TMEM132C: variants seen among roughly 807,000 people sequenced by gnomAD.
TMEM132C encodes transmembrane protein 132C.
In TMEM132C, 29 loss-of-function variants were observed where a neutral mutation model predicts 61.4. That is an observed-to-expected ratio of 0.47 (90% CI 0.35 to 0.64). The LOEUF is 0.64. TMEM132C is among the 30% of genes least tolerant of loss of function. TMEM132C has a pLI of 0.00. For missense variants in TMEM132C, 1,408 were observed against 1,476.9 expected, an observed-to-expected ratio of 0.95 and a Z score of 0.76; for synonymous variants, 656 against 633.1, an observed-to-expected ratio of 1.04 and a Z score of -0.54.
chr12:128,306,259 C>T (rs1871776499), intron 1 of TMEM132C, among the ~76,000 whole-genome samples: 1 of 142,336 alleles, frequency 7.0e-6, no homozygotes, highest in African/African-American at 2.6e-5. Flanking sequence ...GGCTTGAGTA[C>T]AGTGGCGATC....
intron 1 of TMEM132C, among the ~76,000 whole-genome samples, chr12:128,410,801 C>G (rs1321397468): frequency 6.6e-6 from 1 of 152,166 alleles, no homozygotes; most frequent in Non-Finnish European, 1.5e-5. Context: ...TTATTAGCTA[C>G]TTTAGAGGCT....
chr12:128,472,195 G>T (rs1035794905), intron 2 of TMEM132C, among the ~76,000 whole-genome samples: 3 of 152,028 alleles, frequency 2.0e-5, no homozygotes, highest in African/African-American at 7.2e-5. Context: ...ATAATAACTC[G>T]GGTTTCTATA....
In TMEM132C at chr12:128,456,366, C is replaced by CTTTTTTTTTTTTTTTTTTTTTTTTTT. The variant is rs554652054; in HGVS notation, c.974+40780_974+40805dup. ...ACCTTAATTCTATGGTCTGATTAGC[C>CTTTTTTTTTTTTTTTTTTTTTTTTTT]TTTTTTTTTTTTTTTTTTTTTTTTT... On this transcript the variant is annotated intron_variant, in intron 2 of 8. Coordinates refer to ENST00000435159, the MANE Select transcript of TMEM132C (RefSeq NM_001136103.3). Among the ~76,000 whole-genome samples, 2 of 52,448 alleles carry CTTTTTTTTTTTTTTTTTTTTTTTTTT rather than the reference C, an allele frequency of 3.8e-5. 1 individual carries two copies. The highest frequency in any genetic ancestry group is 8.0e-5 in the Non-Finnish European group (2 of 25,138). The allele number at this position is 52,448 out of a possible 152,430, so 34.4% of individuals were successfully genotyped here. A position where few individuals can be genotyped will look rare whatever the true frequency, so the allele number is the denominator to read the frequency against.
chr12:128,548,810 T>G lies in TMEM132C; in HGVS notation c.1121+4707T>G, dbSNP rs149697866. On this transcript the variant is annotated intron_variant, in intron 3 of 8. Transcript: ENST00000435159. ...ACAGACTTTGGTTTTCCTGTCATTA[T>G]TGTCTAAATAATATGGTATCACAGT... is the stretch of plus-strand genomic sequence containing the variant. Among the ~76,000 whole-genome samples, 545 of 152,350 alleles carry G rather than the reference T, an allele frequency of 3.6e-3. 5 individuals are homozygous for G. The highest frequency in any genetic ancestry group is 0.01 in the African/African-American group (425 of 41,582).
At chr12:128,486,983 C>G (rs1056603605) in intron 2 of TMEM132C, among the ~76,000 whole-genome samples, 1 of 151,648 alleles carries the variant, frequency 6.6e-6, no homozygotes, top group Non-Finnish European at 1.5e-5. Flanking sequence ...GTCAGGAAAT[C>G]GTAATGATTC....
chr12:128,455,578 C>G (rs1272299220), intron 2 of TMEM132C, among the ~76,000 whole-genome samples: 1 of 152,214 alleles, frequency 6.6e-6, no homozygotes, highest in African/African-American at 2.4e-5. Context: ...GTGCTCCTTA[C>G]TCCCATTGCT....
At chr12:128,310,503 T>C (rs578053283) in intron 1 of TMEM132C, among the ~76,000 whole-genome samples, 6 of 151,962 alleles carry the variant, frequency 3.9e-5, no homozygotes, top group African/African-American at 1.4e-4. Flanking sequence ...GTGGGGGGGT[T>C]TGCCACACAC....
At chr12:128,526,912 A>G (rs1565962867) in intron 2 of TMEM132C, among the ~76,000 whole-genome samples, 1 of 152,180 alleles carries the variant, frequency 6.6e-6, no homozygotes, top group Non-Finnish European at 1.5e-5. Context: ...AGCATGGGGA[A>G]CAGATCATGC....
intron 1 of TMEM132C, among the ~76,000 whole-genome samples, chr12:128,345,564 C>T (rs138792451): frequency 5.9e-5 from 9 of 152,316 alleles, no homozygotes; most frequent in South Asian, 2.1e-4. Flanking sequence ...TCCACAGTCT[C>T]GCCTCCGTCT....
intron 3 of TMEM132C, among the ~76,000 whole-genome samples, chr12:128,552,225 C>T (rs773422899): frequency 5.3e-5 from 8 of 152,220 alleles, no homozygotes; most frequent in Admixed American, 2.0e-4. Flanking sequence ...CTTATTAAAA[C>T]GCTACTGTTA....
chr12:128,556,500 T>C (rs1044263183), intron 3 of TMEM132C, among the ~76,000 whole-genome samples: 1 of 152,130 alleles, frequency 6.6e-6, no homozygotes, highest in Non-Finnish European at 1.5e-5. Context: ...TGTACTTTTT[T>C]CAGAAATATT....
intron 2 of TMEM132C, among the ~76,000 whole-genome samples, chr12:128,533,178 C>T (rs11059739): frequency 1.3e-5 from 2 of 152,092 alleles, no homozygotes; most frequent in Admixed American, 6.5e-5. Flanking sequence ...GGCTTTCCTG[C>T]GCAATGCCCA....
At chr12:128,635,788 G>C (rs985595556) in intron 4 of TMEM132C, among the ~76,000 whole-genome samples, 1 of 152,204 alleles carries the variant, frequency 6.6e-6, no homozygotes, top group African/African-American at 2.4e-5. Flanking sequence ...CCAGGTGGAT[G>C]TCACTCACAG....
At chr12:128,450,902 T>C (rs1870155627) in intron 2 of TMEM132C, among the ~76,000 whole-genome samples, 12 of 152,246 alleles carry the variant, frequency 7.9e-5, no homozygotes, top group Admixed American at 7.9e-4. Flanking sequence ...TAAAATCTTG[T>C]CCTTCAAACC....
rs76843733 is a variant in TMEM132C at position 128,524,826 on chromosome 12, G to A, written c.975-19131G>A. On this transcript the variant is annotated intron_variant, in intron 2 of 8. Coordinates refer to ENST00000435159, the MANE Select transcript of TMEM132C (RefSeq NM_001136103.3). ...CGGACTTAGGGTATAAATGCCAGCC[G>A]TCCACTCAGCTGAGAACTATGATCT... 2.0e-3 allele frequency among the ~76,000 whole-genome samples: 298 copies of A among 152,280 alleles called. 2 individuals are homozygous for A. Among genetic ancestry groups the A allele is most frequent in the South Asian group, 2.9e-3 (14 of 4,828 alleles).
Position 128,706,307 on chromosome 12 carries a change from C to G in TMEM132C, c.*12C>G. On this transcript the variant is annotated 3_prime_UTR_variant, in exon 9 of 9. Coordinates refer to ENST00000435159, the MANE Select transcript of TMEM132C (RefSeq NM_001136103.3). ...AAGATAAGGCTTAGGCCCCTCTAGC[C>G]AAAGGGCCCTGCCCAGATGCCTTCC... The G allele has an allele frequency of 6.6e-7, 1 of 1,504,728 alleles. No homozygotes were observed. The highest frequency in any genetic ancestry group is 8.9e-7 in the Non-Finnish European group (1 of 1,124,362). 93.2% of individuals were successfully genotyped at this position (1,504,728 alleles called of 1,614,324 possible).
At chr12:128,547,650 G>A (rs1057437535) in intron 3 of TMEM132C, among the ~76,000 whole-genome samples, 1 of 151,992 alleles carries the variant, frequency 6.6e-6, no homozygotes, top group Non-Finnish European at 1.5e-5. Context: ...AGCTGCAACT[G>A]TGTTTTCAGA....
intron 2 of TMEM132C, among the ~76,000 whole-genome samples, chr12:128,512,182 G>A (rs182071455): frequency 3.9e-5 from 6 of 151,914 alleles, no homozygotes; most frequent in East Asian, 1.9e-4. Flanking sequence ...ACAAAGAGAC[G>A]CCTTGCTTCC....
intron 4 of TMEM132C, among the ~76,000 whole-genome samples, chr12:128,656,649 G>A (rs758566287): frequency 2.0e-5 from 3 of 152,200 alleles, no homozygotes; most frequent in Non-Finnish European, 4.4e-5. Context: ...CTGGGGTAGA[G>A]CCCAAAAATT....
Sources: allele counts gnomAD v4.1 joint callset (sites outside exome capture counted in the v4.1 genomes callset), GRCh38; gene constraint gnomAD v4.1.1; transcripts MANE v1.5; gene names NCBI Gene and HGNC (gene_info 2026-07-23, HGNC 2026-07-21).